Variants in IFT52 observed in about 807,000 individuals in gnomAD.
IFT52 encodes the protein intraflagellar transport 52.
In IFT52, 44 loss-of-function variants were observed where a neutral mutation model predicts 54.4. The ratio of observed to expected loss-of-function variants is 0.81; its 90% CI spans 0.63 to 1.04. The LOEUF (loss-of-function observed/expected upper bound fraction) is 1.04, where lower values mean the gene tolerates loss of function less well. Among genes scored for constraint, IFT52 ranks in the 50% least tolerant of loss-of-function variants. The pLI is 0.00. For synonymous variants in IFT52, 181 were observed against 185.3 expected, an observed-to-expected ratio of 0.98 and a Z score of 0.19; for missense variants, 452 against 523.6, an observed-to-expected ratio of 0.86 and a Z score of 1.33.
chr20:43,596,823 C>T (rs932779899), intron 3 of IFT52, among the ~76,000 whole-genome samples: 2 of 149,070 alleles, frequency 1.3e-5, no homozygotes, highest in Non-Finnish European at 3.0e-5. Context: ...CTCACTGCAA[C>T]CTCCACCTCC....
At chr20:43,631,995 C>T (rs971939544) in intron 10 of IFT52, among the ~76,000 whole-genome samples, 25 of 151,594 alleles carry the variant, frequency 1.6e-4, no homozygotes, top group Non-Finnish European at 3.2e-4. Flanking sequence ...GCACGATCTC[C>T]GCTCACCACA....
rs777064142 is a variant in IFT52 at position 43,613,840 on chromosome 20, T to C, written c.486-10T>C. 15 of 1,602,134 alleles carry C rather than the reference T, an allele frequency of 9.4e-6. No homozygotes were observed. In the East Asian group the frequency reaches 2.7e-4, roughly 29 times the overall value. ...TTAAAATTTGAATGTGTTTCTTTAA[T>C]TTCTTACAGGGCTCTCACCTTTGTG... On this transcript the variant is annotated splice_polypyrimidine_tract_variant and intron_variant, in intron 6 of 13. Coordinates refer to ENST00000373030, the MANE Select transcript of IFT52 (RefSeq NM_016004.5).
At chr20:43,638,155 G>A (rs1311143019) in intron 12 of IFT52, among the ~76,000 whole-genome samples, 1 of 151,668 alleles carries the variant, frequency 6.6e-6, no homozygotes, top group Admixed American at 6.6e-5. Flanking sequence ...CTTTGAGGCA[G>A]TGACCCCACT....
At chr20:43,611,337 C>T (rs547088584) in intron 6 of IFT52, among the ~76,000 whole-genome samples, 1 of 151,156 alleles carries the variant, frequency 6.6e-6, no homozygotes, top group Non-Finnish European at 1.5e-5. Flanking sequence ...AAAACTCTTT[C>T]TGAAACTTTT....
At chr20:43,639,467 T>C (rs2145674795) in intron 12 of IFT52, among the ~76,000 whole-genome samples, 1 of 152,094 alleles carries the variant, frequency 6.6e-6, no homozygotes, top group African/African-American at 2.4e-5. Flanking sequence ...GGTTGGGAGT[T>C]CAAGACCAGC....
intron 1 of IFT52, among the ~76,000 whole-genome samples, chr20:43,592,573 A>ATC (rs1277603489): frequency 3.3e-5 from 5 of 149,340 alleles, no homozygotes; most frequent in Non-Finnish European, 4.5e-5. Context: ...ACTCTCTCAA[A>ATC]AAAAAAAAAA....
At chr20:43,624,290 G>A (rs549921475) in intron 10 of IFT52, among the ~76,000 whole-genome samples, 2 of 152,188 alleles carry the variant, frequency 1.3e-5, no homozygotes, top group Non-Finnish European at 2.9e-5. Context: ...TGACCAGCTT[G>A]TTTCATTTTG....
At chr20:43,603,592 A>G (rs557184151) in intron 3 of IFT52, among the ~76,000 whole-genome samples, 168 bp from the exon 4 acceptor site, 4 of 152,364 alleles carry the variant, frequency 2.6e-5, no homozygotes, top group Non-Finnish European at 5.9e-5. Flanking sequence ...GCTCAAAGAC[A>G]AGCTTGGAGA....
chr20:43,642,367 T>C, intron 12 of IFT52, 112 bp from the exon 13 acceptor site: 1 of 932,604 alleles, frequency 1.1e-6, no homozygotes, highest in Admixed American at 2.3e-5. Flanking sequence ...AAGAGGTGAG[T>C]GATCTTAGGA....
In IFT52 at chr20:43,603,218, GC is replaced by G. The variant is rs142968260; in HGVS notation, c.208-541del. ...CTTCCAGGAGATAAGCAGAAAACAT[GC>G]GTTTCTCTCTATGGTTTGGTTGGTC... is the stretch of plus-strand genomic sequence containing the variant. On this transcript the variant is annotated intron_variant, in intron 3 of 13. Transcript: ENST00000373030. Among the ~76,000 whole-genome samples, 933 of 152,236 alleles carry G rather than the reference GC, an allele frequency of 6.1e-3. 9 individuals carry two copies. The highest frequency in any genetic ancestry group is 0.021 in the African/African-American group (877 of 41,528).
intron 13 of IFT52, 21 bp downstream of exon 13, chr20:43,642,645 A>G: frequency 6.2e-7 from 1 of 1,611,808 alleles, no homozygotes. Context: ...TACAAGGCAC[A>G]GTGTAGTGGG....
At chr20:43,594,863 T>C (rs569475323) in intron 2 of IFT52, 46 bp downstream of exon 2, 13 of 988,236 alleles carry the variant, frequency 1.3e-5, no homozygotes, top group Admixed American at 1.1e-4. Context: ...GATATTGTCC[T>C]GCTGATAAAG....
intron 10 of IFT52, among the ~76,000 whole-genome samples, chr20:43,624,828 T>C (rs1022918658): frequency 6.6e-6 from 1 of 152,134 alleles, no homozygotes; most frequent in Non-Finnish European, 1.5e-5. Context: ...ATTGTTTAGC[T>C]TGTCTTCCTT....
At chr20:43,621,438 A>G (rs1984296086) in intron 9 of IFT52, among the ~76,000 whole-genome samples, 1 of 151,960 alleles carries the variant, frequency 6.6e-6, no homozygotes, top group African/African-American at 2.4e-5. Context: ...TTTTCATCCT[A>G]GTTTTCTTTA....
chr20:43,637,452 G>A (rs986648481), intron 12 of IFT52, among the ~76,000 whole-genome samples, 199 bp downstream of exon 12: 12 of 152,092 alleles, frequency 7.9e-5, no homozygotes, highest in African/African-American at 1.4e-4. Context: ...TAGTAGAGAC[G>A]GGGTTTCATC....
intron 7 of IFT52, 90 bp from the exon 8 acceptor site, chr20:43,618,850 G>C: frequency 1.2e-6 from 1 of 830,264 alleles, no homozygotes; most frequent in Non-Finnish European, 2.0e-6. Context: ...TAAGACAGTT[G>C]CTAGCATGAT....
chr20:43,607,762 T>C (rs962350550), intron 6 of IFT52, among the ~76,000 whole-genome samples: 5 of 152,018 alleles, frequency 3.3e-5, no homozygotes, highest in African/African-American at 1.2e-4. Flanking sequence ...GGGCAGAGGC[T>C]GCACTCTCGG....
At chr20:43,606,131 G>A (rs1982857613) in intron 6 of IFT52, among the ~76,000 whole-genome samples, 1 of 151,600 alleles carries the variant, frequency 6.6e-6, no homozygotes. Flanking sequence ...TGAGGCAGGA[G>A]AATCACTTGA....
chr20:43,640,461 AAAAAC>A (rs1419607406), intron 12 of IFT52, among the ~76,000 whole-genome samples: 3 of 152,128 alleles, frequency 2.0e-5, no homozygotes, highest in African/African-American at 7.2e-5. Context: ...CTCCATCTGA[AAAAAC>A]AAAAAAGAAA....
Sources: gnomAD v4.1 joint callset for allele counts (sites outside exome capture counted in the v4.1 genomes callset) on GRCh38, gnomAD v4.1.1 for gene constraint, MANE v1.5 for transcripts, NCBI Gene and HGNC (gene_info 2026-07-23, HGNC 2026-07-21) for gene names.